Variants in COL4A3 observed in about 807,000 individuals in gnomAD.
The protein encoded by COL4A3 is collagen type IV alpha 3 chain.
Under a neutral mutation model 217.4 loss-of-function variants are expected in COL4A3, and 135 were observed. The ratio of observed to expected loss-of-function variants is 0.62; its 90% CI spans 0.54 to 0.72. The LOEUF is 0.72. Among genes scored for constraint, COL4A3 ranks in the 30% least tolerant of loss-of-function variants. The pLI is 0.00. For missense variants in COL4A3, 1,868 were observed against 2,119.9 expected, an observed-to-expected ratio of 0.88 and a Z score of 2.33; for synonymous variants, 690 against 736.3, an observed-to-expected ratio of 0.94 and a Z score of 1.02.
chr2:227,183,268 G>A (rs1370788092), intron 1 of COL4A3, among the ~76,000 whole-genome samples: 2 of 152,310 alleles, frequency 1.3e-5, no homozygotes, highest in African/African-American at 4.8e-5. Flanking sequence ...TCCCATAAGA[G>A]ATGACCTCCC....
chr2:227,223,774 C>A (rs1278105512), intron 1 of COL4A3, among the ~76,000 whole-genome samples: 2 of 152,102 alleles, frequency 1.3e-5, no homozygotes, highest in African/African-American at 4.8e-5. Flanking sequence ...ATTCTGGTAT[C>A]AGATTTTCTC....
intron 7 of COL4A3, 50 bp downstream of exon 7, chr2:227,246,788 A>G (rs751081959): frequency 3.7e-5 from 55 of 1,472,028 alleles, no homozygotes; most frequent in Middle Eastern, 3.4e-4. Flanking sequence ...TATAAATAAC[A>G]GTGGTCTACT....
chr2:227,265,895 C>T (rs918339437), intron 21 of COL4A3: 1 of 158,192 alleles, frequency 6.3e-6, no homozygotes, highest in African/African-American at 2.4e-5. Context: ...GAAGCAGAAG[C>T]AAACATGTCC....
chr2:227,258,772 T>C (rs938831842), intron 18 of COL4A3, among the ~76,000 whole-genome samples: 4 of 152,210 alleles, frequency 2.6e-5, no homozygotes, highest in Non-Finnish European at 4.4e-5. Context: ...AGTTCCTAAA[T>C]ACTTTAGTGG....
chr2:227,167,651 C>A (rs1311829130), intron 1 of COL4A3, among the ~76,000 whole-genome samples: 1 of 152,158 alleles, frequency 6.6e-6, no homozygotes, highest in Non-Finnish European at 1.5e-5. Context: ...GGGGAGGATG[C>A]CTTCTCACCG....
At chr2:227,235,331 C>T (rs1216244257) in intron 1 of COL4A3, among the ~76,000 whole-genome samples, 1 of 152,206 alleles carries the variant, frequency 6.6e-6, no homozygotes, top group Non-Finnish European at 1.5e-5. Context: ...TTAGTCAAGA[C>T]ATGACTTCAT....
intron 1 of COL4A3, among the ~76,000 whole-genome samples, chr2:227,234,117 T>C (rs2068559275): frequency 6.6e-6 from 1 of 152,030 alleles, no homozygotes; most frequent in African/African-American, 2.4e-5. Flanking sequence ...TGGGGTACAG[T>C]GTCATGTTGC....
intron 28 of COL4A3, 66 bp downstream of exon 28, chr2:227,277,619 A>C (rs1288347423): frequency 1.1e-6 from 1 of 893,350 alleles, no homozygotes; most frequent in African/African-American, 1.7e-5. Flanking sequence ...CATATGTATA[A>C]ATAAAATGAG....
rs1011502333 is a variant in COL4A3 at position 227,273,026 on chromosome 2, AG to A, written c.1837del (p.Ala613LeufsTer134). On this transcript the variant is annotated frameshift_variant, in exon 26 of 52. Coordinates refer to ENST00000396578, the MANE Select transcript of COL4A3 (RefSeq NM_000091.5). LOFTEE classifies it high-confidence loss of function. ...CTGGGTCCCCAGGACCTGCAGGACC[AG>A]CTGGACCACCTGGCTACGGACCCCA... The part of the protein sequence containing the change: ...SPGSPGPAGP[A>X]GPPGYGPQGE... The A allele has an allele frequency of 6.2e-7, 1 of 1,614,006 alleles. No individual in the cohort carries two copies.
rs1213637962 is a variant in COL4A3, at chr2:227,307,764, G to T, written c.4307G>T (p.Gly1436Val). 1 of 1,614,184 alleles carries T rather than the reference G, an allele frequency of 6.2e-7. No individual in the cohort carries two copies. Among genetic ancestry groups the T allele is most frequent in the African/African-American group, 1.3e-5 (1 of 75,060 alleles). The change falls in exon 48 of 52, where the codon GGA becomes GTA. Residue 1436 changes from glycine to valine, a missense_variant. Transcript: ENST00000396578. ...PGLKGKRGDS[G>V]SPATWTTRGF... ...TTGAAAGGAAAACGTGGAGACAGTG[G>T]ATCACCTGCAACCTGGACAACGAGA...
chr2:227,203,903 C>A (rs1382528404), intron 1 of COL4A3, among the ~76,000 whole-genome samples: 3 of 151,882 alleles, frequency 2.0e-5, no homozygotes, highest in Non-Finnish European at 2.9e-5. Flanking sequence ...ATATAAGCCT[C>A]TTAAGCATGA....
chr2:227,199,523 G>A (rs1187345436), intron 1 of COL4A3, among the ~76,000 whole-genome samples: 2 of 152,212 alleles, frequency 1.3e-5, no homozygotes, highest in African/African-American at 4.8e-5. Context: ...CTAATCTGAA[G>A]CATTCCAAAG....
intron 1 of COL4A3, among the ~76,000 whole-genome samples, chr2:227,185,497 T>G (rs1041941498): frequency 2.0e-5 from 3 of 152,202 alleles, no homozygotes. Flanking sequence ...GGTAAGCTAG[T>G]CATTACTACT....
At position 227,251,130 on chromosome 2, in the gene COL4A3, C is replaced by A; in HGVS notation, c.547-10C>A. 1 of 1,605,964 alleles carries A rather than the reference C, an allele frequency of 6.2e-7. No individual in the cohort carries two copies. Among genetic ancestry groups the A allele is most frequent in the South Asian group, 1.1e-5 (1 of 90,878 alleles). The stretch of plus-strand genomic sequence containing the variant: ...TTTAAACTTACTCTTATTCTTCTCT[C>A]AATTTCAAGGGTTTGCCAGGCCCTC... On this transcript the variant is annotated splice_polypyrimidine_tract_variant and intron_variant, in intron 9 of 51. Transcript: ENST00000396578.
At chr2:227,289,049 C>A in intron 34 of COL4A3, 101 bp from the exon 35 acceptor site, 1 of 789,286 alleles carries the variant, frequency 1.3e-6, no homozygotes, top group Non-Finnish European at 2.1e-6. Context: ...CTCCCAGGTT[C>A]AAGTGATTTT....
At chr2:227,174,575 C>G (rs769064487) in intron 1 of COL4A3, among the ~76,000 whole-genome samples, 2 of 152,014 alleles carry the variant, frequency 1.3e-5, no homozygotes, top group Non-Finnish European at 2.9e-5. Context: ...GGCGCAATCT[C>G]GGCTCACTGC....
intron 1 of COL4A3, among the ~76,000 whole-genome samples, chr2:227,228,237 C>T (rs909193428): frequency 5.9e-5 from 9 of 152,278 alleles, no homozygotes; most frequent in Middle Eastern, 3.4e-3. Context: ...GGGGGCATCC[C>T]GCAAAGCAGT....
chr2:227,177,426 A>G (rs986949153), intron 1 of COL4A3, among the ~76,000 whole-genome samples: 3 of 152,106 alleles, frequency 2.0e-5, no homozygotes, highest in East Asian at 1.9e-4. Flanking sequence ...AAGTGCTGGG[A>G]TTACAGGCTT....
chr2:227,303,659 T>C (rs2073384771), intron 44 of COL4A3, among the ~76,000 whole-genome samples, 200 bp from the exon 45 acceptor site: 1 of 152,238 alleles, frequency 6.6e-6, no homozygotes, highest in South Asian at 2.1e-4. Context: ...TACAGACTCA[T>C]TAAGCATGAC....
Sources: allele counts gnomAD v4.1 joint callset (sites outside exome capture counted in the v4.1 genomes callset), GRCh38; gene constraint gnomAD v4.1.1; transcripts MANE v1.5; gene names NCBI Gene and HGNC (gene_info 2026-07-23, HGNC 2026-07-21).